The following FGF12 variants were observed in gnomAD, a reference collection of about 807,000 sequenced individuals.
FGF12 encodes the protein fibroblast growth factor 12.
A neutral mutation model predicts 23.6 loss-of-function variants in FGF12; 14 were observed. The ratio of observed to expected loss-of-function variants is 0.59; its 90% CI spans 0.39 to 0.93. The LOEUF (loss-of-function observed/expected upper bound fraction) is 0.93. Among genes scored for constraint, FGF12 ranks in the 40% least tolerant of loss-of-function variants. FGF12 has a pLI of 0.00. For missense variants in FGF12, 175 were observed against 217.8 expected, an observed-to-expected ratio of 0.80 and a Z score of 1.24; for synonymous variants, 62 against 77.3, an observed-to-expected ratio of 0.80 and a Z score of 1.04.
intron 2 of FGF12, among the ~76,000 whole-genome samples, chr3:192,501,808 A>G (rs956286398): frequency 6.6e-6 from 1 of 152,260 alleles, no homozygotes; most frequent in African/African-American, 2.4e-5. Flanking sequence ...TATCTTAATT[A>G]GGATCAGTTT....
At chr3:192,566,754 C>A (rs1712312008) in intron 2 of FGF12, among the ~76,000 whole-genome samples, 1 of 152,096 alleles carries the variant, frequency 6.6e-6, no homozygotes. Context: ...GTTGTATGAC[C>A]AGTATTTTTC....
At chr3:192,554,574 C>T (rs571153438) in intron 2 of FGF12, among the ~76,000 whole-genome samples, 2 of 152,202 alleles carry the variant, frequency 1.3e-5, no homozygotes, top group African/African-American at 4.8e-5. Flanking sequence ...AGATCTTTTC[C>T]TATACAAAGC....
chr3:192,302,318 C>G (rs1008252534), intron 4 of FGF12, among the ~76,000 whole-genome samples: 1 of 152,102 alleles, frequency 6.6e-6, no homozygotes, highest in Admixed American at 6.6e-5. Context: ...AGAAAATGCT[C>G]AAATACATCT....
At chr3:192,410,246 A>T (rs1040542892) in intron 2 of FGF12, among the ~76,000 whole-genome samples, 7 of 151,226 alleles carry the variant, frequency 4.6e-5, no homozygotes, top group African/African-American at 1.7e-4. Flanking sequence ...CCGCTTCCAG[A>T]CTCCCTTCTT....
intron 4 of FGF12, among the ~76,000 whole-genome samples, chr3:192,243,580 C>A (rs1719731824): frequency 6.7e-6 from 1 of 149,182 alleles, no homozygotes. Context: ...GTATATCCAA[C>A]TTAAGCATAA....
At chr3:192,395,061 G>A (rs903535695) in intron 2 of FGF12, among the ~76,000 whole-genome samples, 1 of 152,170 alleles carries the variant, frequency 6.6e-6, no homozygotes, top group African/African-American at 2.4e-5. Flanking sequence ...AATGGCAAAG[G>A]TTATTCCTCA....
At chr3:192,418,968 C>A in intron 2 of FGF12, among the ~76,000 whole-genome samples, 1 of 152,182 alleles carries the variant, frequency 6.6e-6, no homozygotes, top group East Asian at 1.9e-4. Context: ...CATGCACAGT[C>A]CTGGGCCCTA....
intron 2 of FGF12, among the ~76,000 whole-genome samples, chr3:192,624,841 C>G (rs35547976): frequency 0.09 from 13,728 of 152,048 alleles, 721 homozygotes; most frequent in African/African-American, 0.13. Flanking sequence ...TCTCTATCCC[C>G]TATTTGTGAT....
chr3:192,210,863 A>C (rs776998724), intron 4 of FGF12, among the ~76,000 whole-genome samples: 3 of 152,188 alleles, frequency 2.0e-5, no homozygotes, highest in Non-Finnish European at 4.4e-5. Flanking sequence ...TAAATTCATC[A>C]AGGTAGATGA....
At chr3:192,671,173 G>C (rs765393201) in intron 2 of FGF12, among the ~76,000 whole-genome samples, 10 of 152,236 alleles carry the variant, frequency 6.6e-5, no homozygotes, top group Non-Finnish European at 1.3e-4. Flanking sequence ...TACATACCAA[G>C]TAAAGGAATT....
chr3:192,631,157 C>G (rs1715379275), intron 2 of FGF12, among the ~76,000 whole-genome samples: 1 of 152,054 alleles, frequency 6.6e-6, no homozygotes, highest in African/African-American at 2.4e-5. Context: ...TCTTTTTTTG[C>G]TAACCTGCTT....
chr3:192,489,837 G>A (rs1433825738), intron 2 of FGF12, among the ~76,000 whole-genome samples: 1 of 152,006 alleles, frequency 6.6e-6, no homozygotes. Context: ...AGAGGGTGGA[G>A]GCTGGGAAGA....
chr3:192,455,964 G>C (rs977557849), intron 2 of FGF12, among the ~76,000 whole-genome samples: 3 of 152,138 alleles, frequency 2.0e-5, no homozygotes, highest in Non-Finnish European at 4.4e-5. Context: ...TTAATAAGTG[G>C]GGCCTTGCAG....
intron 2 of FGF12, among the ~76,000 whole-genome samples, chr3:192,376,385 T>C (rs1186203894): frequency 6.6e-6 from 1 of 152,038 alleles, no homozygotes; most frequent in Non-Finnish European, 1.5e-5. Context: ...TTTTTGAGAC[T>C]GAGTTTCACT....
intron 2 of FGF12, among the ~76,000 whole-genome samples, chr3:192,402,029 G>A (rs996069330): frequency 3.0e-4 from 46 of 152,276 alleles, no homozygotes; most frequent in Non-Finnish European, 3.2e-4. Flanking sequence ...CTTGCCTAAT[G>A]TTCTTACAAA....
In FGF12 at chr3:192,455,090, A is replaced by G. The variant is rs377438704; in HGVS notation, c.14-94552T>C. ...GAACTTCTAACATCAAAGCTAAGCC[A>G]TAAGACTTATTGCTTGGAAAAGAGT... On this transcript the variant is annotated intron_variant, in intron 2 of 5. Coordinates refer to ENST00000445105, the MANE Select transcript of FGF12 (RefSeq NM_004113.6). 1.2e-4 allele frequency among the ~76,000 whole-genome samples: 19 copies of G among 152,344 alleles called. No individual in the cohort carries two copies. The East Asian group carries it at 3.7e-3, about 29-fold the overall frequency.
chr3:192,693,898 A>G (rs1488065262), intron 2 of FGF12, among the ~76,000 whole-genome samples: 1 of 152,190 alleles, frequency 6.6e-6, no homozygotes, highest in Non-Finnish European at 1.5e-5. Flanking sequence ...GAAAAAATAA[A>G]CAAGTGTCAC....
chr3:192,163,497 T>G (rs916442060), intron 5 of FGF12, among the ~76,000 whole-genome samples: 2 of 152,142 alleles, frequency 1.3e-5, no homozygotes, highest in Non-Finnish European at 2.9e-5. Context: ...TATGAATAAA[T>G]TTAAATCATC....
intron 2 of FGF12, among the ~76,000 whole-genome samples, chr3:192,604,900 C>A (rs1714273562): frequency 6.6e-6 from 1 of 152,098 alleles, no homozygotes; most frequent in African/African-American, 2.4e-5. Context: ...AATAAAGCTG[C>A]ACACCTACAA....
Sources: allele counts gnomAD v4.1 joint callset (sites outside exome capture counted in the v4.1 genomes callset), GRCh38; gene constraint gnomAD v4.1.1; transcripts MANE v1.5; gene names NCBI Gene and HGNC (gene_info 2026-07-23, HGNC 2026-07-21).